The following GRID1 variants were observed in gnomAD, a reference collection of about 807,000 sequenced individuals.
GRID1 encodes glutamate ionotropic receptor delta type subunit 1.
Under a neutral mutation model 98.0 loss-of-function variants are expected in GRID1, and 28 were observed. That is an observed-to-expected ratio of 0.29 (90% confidence interval 0.21 to 0.39). GRID1 has a LOEUF of 0.39. Among genes scored for constraint, GRID1 ranks in the 10% least tolerant of loss-of-function variants. The pLI is 1.00. For synonymous variants in GRID1, 553 were observed against 538.5 expected (o/e 1.03, Z -0.37); for missense variants, 1,111 against 1,340.5 (o/e 0.83, Z 2.67).
chr10:86,245,495 CTTTACTCCATTCCTCCTCTACCATTT>C (rs1356010714), intron 2 of GRID1, among the ~76,000 whole-genome samples: 2,337 of 149,574 alleles, frequency 0.016, 44 homozygotes, highest in Middle Eastern at 0.045. Context: ...CTACCATTTG[CTTTACTCCATTCCTCCTCTACCATTT>C]GCTTTACTCC....
At chr10:86,262,920 G>A (rs779938114) in intron 2 of GRID1, among the ~76,000 whole-genome samples, 1 of 152,152 alleles carries the variant, frequency 6.6e-6, no homozygotes, top group Non-Finnish European at 1.5e-5. Flanking sequence ...GCGTTCCCAG[G>A]CCGGCATCGC....
At chr10:85,801,298 A>G (rs1307859791) in intron 8 of GRID1, among the ~76,000 whole-genome samples, 1 of 151,912 alleles carries the variant, frequency 6.6e-6, no homozygotes, top group East Asian at 1.9e-4. Flanking sequence ...ATTTTTACTA[A>G]ATTTACAAGA....
chr10:86,082,993 G>C (rs1234035518), intron 4 of GRID1, among the ~76,000 whole-genome samples: 1 of 152,174 alleles, frequency 6.6e-6, no homozygotes, highest in Non-Finnish European at 1.5e-5. Context: ...ACTAGACCAA[G>C]AGTTTCTGGA....
chr10:86,261,289 C>A (rs1366917925), intron 2 of GRID1, among the ~76,000 whole-genome samples: 1 of 152,258 alleles, frequency 6.6e-6, no homozygotes, highest in Non-Finnish European at 1.5e-5. Context: ...GCCTGCAGGA[C>A]CCCTGGGGGA....
At chr10:86,089,687 A>C (rs1370043384) in intron 4 of GRID1, among the ~76,000 whole-genome samples, 6 of 152,246 alleles carry the variant, frequency 3.9e-5, no homozygotes, top group Admixed American at 1.3e-4. Context: ...ATTTGAACCA[A>C]ATGAAAAAAG....
At chr10:85,941,332 G>C (rs775103989) in intron 4 of GRID1, among the ~76,000 whole-genome samples, 1 of 151,732 alleles carries the variant, frequency 6.6e-6, no homozygotes, top group Non-Finnish European at 1.5e-5. Context: ...AGCATTAAAA[G>C]AAAAAAATAT....
chr10:85,989,991 G>A (rs951704368), intron 4 of GRID1, among the ~76,000 whole-genome samples: 21 of 152,198 alleles, frequency 1.4e-4, no homozygotes, highest in African/African-American at 3.9e-4. Context: ...AAAGACAGCC[G>A]CCTGTGAACC....
intron 5 of GRID1, among the ~76,000 whole-genome samples, chr10:85,896,355 G>C (rs534555936): frequency 2.0e-5 from 3 of 152,296 alleles, no homozygotes; most frequent in African/African-American, 7.2e-5. Flanking sequence ...CATTAAGTTA[G>C]AGCTGGGCTG....
At chr10:86,261,745 C>G (rs1847018564) in intron 2 of GRID1, among the ~76,000 whole-genome samples, 18 of 151,796 alleles carry the variant, frequency 1.2e-4, no homozygotes, top group Admixed American at 1.2e-3. Context: ...CCCACTCTCA[C>G]CTGAGCAGGG....
intron 3 of GRID1, among the ~76,000 whole-genome samples, chr10:86,148,997 A>C (rs1845124589): frequency 6.6e-6 from 1 of 152,212 alleles, no homozygotes; most frequent in Non-Finnish European, 1.5e-5. Flanking sequence ...CAGCTGGCAC[A>C]GTGCAAAATA....
At chr10:85,746,672 A>T (rs1280361993) in intron 8 of GRID1, among the ~76,000 whole-genome samples, 3 of 152,274 alleles carry the variant, frequency 2.0e-5, no homozygotes, top group East Asian at 3.9e-4. Context: ...AGATGATCTC[A>T]GTCTTTCAGT....
intron 4 of GRID1, among the ~76,000 whole-genome samples, chr10:86,105,998 G>A (rs528086554): frequency 6.6e-6 from 1 of 152,280 alleles, no homozygotes; most frequent in Admixed American, 6.5e-5. Flanking sequence ...AAAGGCCAGT[G>A]TTCCCAATTG....
At chr10:85,656,025 C>T (rs1231894319) in intron 12 of GRID1, among the ~76,000 whole-genome samples, 1 of 152,100 alleles carries the variant, frequency 6.6e-6, no homozygotes, top group Non-Finnish European at 1.5e-5. Flanking sequence ...CATCCTCCTC[C>T]AACCACCCTT....
rs569700499 is a variant in GRID1, at chr10:86,155,739, G to A, written c.521-16715C>T. Among the ~76,000 whole-genome samples, 4 of 152,296 alleles carry A rather than the reference G, an allele frequency of 2.6e-5. No individual in the cohort carries two copies. In the East Asian group the frequency reaches 7.7e-4, roughly 29 times the overall value. On this transcript the variant is annotated intron_variant, in intron 3 of 15. Transcript: ENST00000327946. ...CCCTAAACGAGGGGACAGGTTAATA[G>A]TCCTCAGGACTCTCTAGTGGGTGTA...
chr10:85,751,930 A>G (rs1478233574), intron 8 of GRID1, among the ~76,000 whole-genome samples: 1 of 152,184 alleles, frequency 6.6e-6, no homozygotes, highest in African/African-American at 2.4e-5. Context: ...TGAACTTGCT[A>G]TGGCCAAGTC....
Position 85,821,535 on chromosome 10 carries a change from A to C in GRID1, c.1233+32961T>G, listed in dbSNP as rs199877983. On this transcript the variant is annotated intron_variant, in intron 8 of 15. Transcript: ENST00000327946. The stretch of plus-strand genomic sequence containing the variant: ...TCATCTCAAAAAAAAAAAAAAAAAA[A>C]AAAAAAAAAAGAAAACAGATCAATA... Among the ~76,000 whole-genome samples, 421 of 89,694 alleles carry C rather than the reference A, an allele frequency of 4.7e-3. 37 individuals are homozygous for C. Among genetic ancestry groups the C allele is most frequent in the African/African-American group, 0.018 (395 of 22,178 alleles). 58.8% of individuals were successfully genotyped at this position (89,694 alleles called of 152,430 possible). A position where few individuals can be genotyped will look rare whatever the true frequency, so the allele number is the denominator to read the frequency against.
At chr10:85,703,501 C>A (rs7919936) in intron 12 of GRID1, among the ~76,000 whole-genome samples, 78,909 of 151,702 alleles carry the variant, frequency 0.52, 20,988 homozygotes, top group Middle Eastern at 0.61. Context: ...GTCGAAGATT[C>A]TGTAAACAAA....
intron 5 of GRID1, among the ~76,000 whole-genome samples, chr10:85,881,662 A>G (rs1194371599): frequency 6.6e-6 from 1 of 152,228 alleles, no homozygotes; most frequent in Non-Finnish European, 1.5e-5. Context: ...ACCTAAAACC[A>G]TAAAAACCCT....
At chr10:85,912,390 G>A (rs1297698131) in intron 5 of GRID1, among the ~76,000 whole-genome samples, 4 of 152,202 alleles carry the variant, frequency 2.6e-5, no homozygotes, top group East Asian at 3.8e-4. Context: ...CTTCCTCTGC[G>A]TGCAATTATT....
Sources: allele counts gnomAD v4.1 joint callset (sites outside exome capture counted in the v4.1 genomes callset), GRCh38; gene constraint gnomAD v4.1.1; transcripts MANE v1.5; gene names NCBI Gene and HGNC (gene_info 2026-07-23, HGNC 2026-07-21).